Variants in ZSCAN5A observed in about 807,000 individuals in gnomAD.
ZSCAN5A encodes zinc finger and SCAN domain containing 5A.
Under a neutral mutation model 23.7 loss-of-function variants are expected in ZSCAN5A, and 12 were observed. That is an observed-to-expected ratio of 0.51 (90% confidence interval 0.32 to 0.82). The LOEUF (loss-of-function observed/expected upper bound fraction) is 0.82. ZSCAN5A is among the 40% of genes least tolerant of loss of function. The pLI is 0.03. For synonymous variants in ZSCAN5A, 257 were observed against 239.9 expected, an observed-to-expected ratio of 1.07 and a Z score of -0.66; for missense variants, 597 against 617.9, an observed-to-expected ratio of 0.97 and a Z score of 0.36.
intron 2 of ZSCAN5A, among the ~76,000 whole-genome samples, chr19:56,287,524 C>T (rs1273970221): frequency 6.6e-6 from 1 of 152,126 alleles, no homozygotes; most frequent in Non-Finnish European, 1.5e-5. Flanking sequence ...AAATATCAGC[C>T]CTCTGTGCAC....
chr19:56,287,522 GC>G (rs1381476199), intron 2 of ZSCAN5A, among the ~76,000 whole-genome samples: 18 of 151,878 alleles, frequency 1.2e-4, no homozygotes, highest in Middle Eastern at 3.2e-3. Context: ...ATAAATATCA[GC>G]CCTCTGTGCA....
chr19:56,228,526 A>C, intron 2 of ZSCAN5A: 1 of 878,440 alleles, frequency 1.1e-6, no homozygotes, highest in Non-Finnish European at 1.4e-6. Context: ...ATACTGCTGA[A>C]GTATTTGGTG....
chr19:56,223,784 G>A lies in ZSCAN5A; in HGVS notation c.435C>T (p.Ile145=), dbSNP rs140466399. The A allele has an allele frequency of 2.7e-4, 441 of 1,613,752 alleles. 2 individuals are homozygous for A. Among genetic ancestry groups the A allele is most frequent in the Admixed American group, 2.6e-3 (156 of 60,004 alleles). ...CACTGGAGGGGGCTTCAGCCATCTC[G>A]ATATCTGAGTCCTGCACAATATATT... ...GKEYIVQDSD[I]EMAEAPSSVR... The change falls in exon 4 of 6, where the codon ATC becomes ATT. Residue 145 remains isoleucine, a synonymous_variant. Coordinates refer to ENST00000683990, the MANE Select transcript of ZSCAN5A (RefSeq NM_001322064.3).
chr19:56,251,900 G>A (rs1382876561), intron 2 of ZSCAN5A, among the ~76,000 whole-genome samples: 1 of 152,134 alleles, frequency 6.6e-6, no homozygotes, highest in African/African-American at 2.4e-5. Context: ...GTGGTAATAT[G>A]AGCAAACCAG....
At chr19:56,237,980 C>CACACGG (rs2035084511) in intron 2 of ZSCAN5A, among the ~76,000 whole-genome samples, 1 of 87,858 alleles carries the variant, frequency 1.1e-5, no homozygotes. Context: ...CACGGACACA[C>CACACGG]ACACATACAC....
At chr19:56,348,269 C>T (rs1242242035) in intron 2 of ZSCAN5A, 1 of 152,228 alleles carries the variant, frequency 6.6e-6, no homozygotes, top group Non-Finnish European at 1.5e-5. Flanking sequence ...CAGATCTCCC[C>T]TCTCCCCAGA....
intron 2 of ZSCAN5A, chr19:56,244,512 G>C: frequency 7.1e-7 from 1 of 1,406,860 alleles, no homozygotes; most frequent in East Asian, 2.3e-5. Flanking sequence ...GGACCCGAGG[G>C]GCTGCTCTAG....
chr19:56,227,019 G>A (rs114822756), intron 2 of ZSCAN5A, among the ~76,000 whole-genome samples: 2,098 of 152,258 alleles, frequency 0.014, 51 homozygotes, highest in African/African-American at 0.048. Flanking sequence ...TAGTTACCAG[G>A]GCTGGGGTAG....
chr19:56,256,902 GA>G (rs149388893), intron 2 of ZSCAN5A, among the ~76,000 whole-genome samples: 10 of 148,328 alleles, frequency 6.7e-5, no homozygotes, highest in Admixed American at 2.0e-4. Context: ...AGATAGTGGT[GA>G]AAAAAAAAAG....
chr19:56,354,985 T>C (rs2041692481), intron 2 of ZSCAN5A, among the ~76,000 whole-genome samples: 1 of 152,170 alleles, frequency 6.6e-6, no homozygotes, highest in Admixed American at 6.5e-5. Flanking sequence ...TCCCCAAAAC[T>C]GAGGACCCCA....
chr19:56,245,938 C>A (rs1568640516), intron 2 of ZSCAN5A, among the ~76,000 whole-genome samples: 2 of 152,056 alleles, frequency 1.3e-5, no homozygotes, highest in Admixed American at 6.6e-5. Flanking sequence ...ACAGGAGCGC[C>A]CCCTCCAGGA....
chr19:56,341,592 A>G (rs2041592128), intron 2 of ZSCAN5A, among the ~76,000 whole-genome samples: 1 of 152,016 alleles, frequency 6.6e-6, no homozygotes, highest in African/African-American at 2.4e-5. Context: ...AGGACTTTAA[A>G]AGCACATACA....
At chr19:56,366,166 T>C (rs1181472090) in intron 1 of ZSCAN5A, among the ~76,000 whole-genome samples, 3 of 152,186 alleles carry the variant, frequency 2.0e-5, no homozygotes, top group Non-Finnish European at 2.9e-5. Context: ...GTGAAATTCA[T>C]AGTCCCTGGG....
intron 2 of ZSCAN5A, among the ~76,000 whole-genome samples, chr19:56,356,511 AAGG>A (rs2041701476): frequency 2.0e-5 from 3 of 148,250 alleles, no homozygotes; most frequent in Admixed American, 2.0e-4. Flanking sequence ...TGGAGCACAG[AAGG>A]AGCACAGGCT....
At position 56,222,196 on chromosome 19, in the gene ZSCAN5A, G is replaced by A. The variant is rs150978724; in HGVS notation, c.870C>T (p.Asp290=). 1,139 of 1,613,874 alleles carry A rather than the reference G, an allele frequency of 7.1e-4. 4 individuals are homozygous for A. The African/African-American group carries it at 8.0e-3, about 11-fold the overall frequency. ...TTTTGGGACTGCTCAGATTCAGAGC[G>A]TCTCCTCTGTTCCCGCTGTGAGTCG... ...EASTHSGNRG[D]ALNLSSPKRS... The change falls in exon 6 of 6, where the codon GAC becomes GAT. Residue 290 remains aspartate (D), a synonymous_variant. Transcript: ENST00000683990.
Position 56,352,635 on chromosome 19 carries a change from G to A in ZSCAN5A, c.-358+10600C>T, listed in dbSNP as rs571172286. ...TGTAGACAATTATCAAAGTAAGGCGGTCAGTGGGTGGGAAATTACAAAGAA... is the reference window on the plus strand; with the variant it reads ...TGTAGACAATTATCAAAGTAAGGCGATCAGTGGGTGGGAAATTACAAAGAA... On this transcript the variant is annotated intron_variant, in intron 2 of 6. Coordinates refer to the ZSCAN5A transcript ENST00000587340. This position sits in a 1 kb window ranked among gnomAD's most constrained non-coding sequence, Gnocchi z 4.2. 1.3e-5 allele frequency among the ~76,000 whole-genome samples: 2 copies of A among 152,336 alleles called. No individual in the cohort carries two copies. Among genetic ancestry groups the A allele is most frequent in the African/African-American group, 4.8e-5 (2 of 41,570 alleles).
At chr19:56,366,853 A>G (rs975115849) in intron 1 of ZSCAN5A, among the ~76,000 whole-genome samples, 1 of 152,200 alleles carries the variant, frequency 6.6e-6, no homozygotes, top group African/African-American at 2.4e-5. Context: ...ACCAAATCTT[A>G]TCACCATGTT....
intron 2 of ZSCAN5A, chr19:56,228,147 CAA>C: frequency 1.1e-6 from 1 of 914,392 alleles, no homozygotes; most frequent in Non-Finnish European, 1.3e-6. Flanking sequence ...GCTGCCTTCA[CAA>C]AGTCTCCGAG....
At chr19:56,257,743 C>G (rs1213791918) in intron 2 of ZSCAN5A, among the ~76,000 whole-genome samples, 1 of 143,024 alleles carries the variant, frequency 7.0e-6, no homozygotes, top group Non-Finnish European at 1.5e-5. Context: ...CTGCCTCCTA[C>G]CACTGCCCAT....
Sources: allele counts gnomAD v4.1 joint callset (sites outside exome capture counted in the v4.1 genomes callset), GRCh38; gene constraint gnomAD v4.1.1; non-coding constraint Gnocchi (gnomAD v3.1); transcripts MANE v1.5; gene names NCBI Gene and HGNC (gene_info 2026-07-23, HGNC 2026-07-21).